The following ARG1 variants were observed in gnomAD, a reference collection of about 807,000 sequenced individuals.
The protein encoded by ARG1 is arginase-1.
A neutral mutation model predicts 33.0 loss-of-function variants in ARG1; 20 were observed. That is an observed-to-expected ratio of 0.61 (90% CI 0.43 to 0.88). ARG1 has a LOEUF of 0.88. ARG1 is among the 40% of genes least tolerant of loss of function. The pLI is 0.00. For synonymous variants in ARG1, 146 were observed against 140.6 expected (o/e 1.04, Z -0.27); for missense variants, 374 against 384.7 (o/e 0.97, Z 0.23).
chr6:131,573,391 G>C (rs1461894521), intron 1 of ARG1, 52 bp downstream of exon 1: 1 of 1,582,734 alleles, frequency 6.3e-7, no homozygotes, highest in Non-Finnish European at 8.7e-7. Context: ...GAAAATTTTG[G>C]ACTTCAAAAT....
rs1208775075 is a variant in ARG1 at position 131,573,307 on chromosome 6, G to A, written c.25G>A (p.Gly9Arg). The stretch of plus-strand genomic sequence containing the variant: ...CATGAGCGCCAAGTCCAGAACCATA[G>A]GGATTATTGGAGCTCCTTTCTCAAA... MSAKSRTI[G>R]IIGAPFSKGQ... The change falls in exon 1 of 8, where the codon GGG becomes AGG. Residue 9 changes from glycine to arginine, a missense_variant. Physicochemically the swap from Gly to Arg is moderately radical, Grantham distance 125. Transcript: ENST00000368087. 1.2e-6 allele frequency: 2 copies of A among 1,613,912 alleles called. No individual in the cohort carries two copies. Among genetic ancestry groups the A allele is most frequent in the Admixed American group, 1.7e-5 (1 of 59,996 alleles).
Position 131,573,303 on chromosome 6 carries a change from C to T in ARG1, c.21C>T (p.Thr7=), listed in dbSNP as rs1773466629. The change falls in exon 1 of 8, where the codon ACC becomes ACT. Residue 7 remains threonine (T), a synonymous_variant. Transcript: ENST00000368087. MSAKSR[T]IGIIGAPFSK... Reference sequence around the variant, plus strand: ...AGAGCATGAGCGCCAAGTCCAGAACCATAGGGATTATTGGAGCTCCTTTCT... The same window carrying T: ...AGAGCATGAGCGCCAAGTCCAGAACTATAGGGATTATTGGAGCTCCTTTCT... 6.2e-7 allele frequency: 1 copy of T among 1,614,040 alleles called. No individual in the cohort carries two copies. The highest frequency in any genetic ancestry group is 8.5e-7 in the Non-Finnish European group (1 of 1,179,958).
intron 1 of ARG1, 106 bp downstream of exon 1, chr6:131,573,445 T>C (rs1773472269): frequency 9.2e-7 from 1 of 1,088,342 alleles, no homozygotes; most frequent in Admixed American, 1.8e-5. Flanking sequence ...TCTGATACAA[T>C]CTGGCCAGGA....
In ARG1 at chr6:131,579,156, C is replaced by T. The variant is rs763960889; in HGVS notation, c.176C>T (p.Pro59Leu). The change falls in exon 3 of 8, where the codon CCT becomes CTT. Residue 59 changes from proline to leucine, a missense_variant. Transcript: ENST00000368087. ...DYGDLPFADI[P>L]NDSPFQIVKN... ...GGGGACCTGCCCTTTGCTGACATCCCTAATGACAGTCCCTTTCAAATTGTG... is the reference window on the plus strand; with the variant it reads ...GGGGACCTGCCCTTTGCTGACATCCTTAATGACAGTCCCTTTCAAATTGTG... 2 of 1,614,086 alleles carry T rather than the reference C, an allele frequency of 1.2e-6. No homozygotes were observed. The highest frequency in any genetic ancestry group is 8.5e-7 in the Non-Finnish European group (1 of 1,180,004).
chr6:131,576,729 G>C lies in ARG1; in HGVS notation c.124G>C (p.Glu42Gln). Residue 42 changes from glutamate to glutamine, a missense_variant, in exon 2 of 8, where the codon GAA (glutamate) becomes CAA (glutamine). Transcript: ENST00000368087. ...GGCTGGTCTGCTTGAGAAACTTAAA[G>C]AACAAGGTAATTTTTAAGTTGAAAA... ...RKAGLLEKLK[E>Q]QECDVKDYGD... The C allele has an allele frequency of 6.2e-7, 1 of 1,613,430 alleles. No homozygotes were observed. The highest frequency in any genetic ancestry group is 8.5e-7 in the Non-Finnish European group (1 of 1,179,410).
rs1057521893 is a variant in ARG1, at chr6:131,579,100, T to C, written c.131-11T>C. 6.2e-7 allele frequency: 1 copy of C among 1,613,928 alleles called. No homozygotes were observed. On this transcript the variant is annotated splice_polypyrimidine_tract_variant and intron_variant, in intron 2 of 7. Transcript: ENST00000368087. ...TTTTTAATTTAGTAACTCAAAACTT[T>C]TTAATTTTAGAGTGTGATGTGAAGG...
chr6:131,583,646 C>CTT, intron 7 of ARG1, 96 bp from the exon 8 acceptor site: 1 of 1,527,422 alleles, frequency 6.5e-7, no homozygotes, highest in South Asian at 1.2e-5. Context: ...CGGTTACTAC[C>CTT]TTTTTCTGTT....
chr6:131,579,031 T>G, intron 2 of ARG1, 80 bp from the exon 3 acceptor site: 2 of 1,507,936 alleles, frequency 1.3e-6, no homozygotes, highest in Non-Finnish European at 1.8e-6. Context: ...TATGCCTATT[T>G]TATACAATTG....
chr6:131,580,558 T>C (rs1199842681), intron 3 of ARG1, among the ~76,000 whole-genome samples: 3 of 152,204 alleles, frequency 2.0e-5, no homozygotes, highest in Non-Finnish European at 4.4e-5. Flanking sequence ...ATCCTAACTT[T>C]TAACTTCTGT....
chr6:131,582,748 T>C, intron 5 of ARG1, 33 bp downstream of exon 5: 2 of 1,594,368 alleles, frequency 1.3e-6, no homozygotes, highest in Non-Finnish European at 1.7e-6. Flanking sequence ...TTTGCCTCCA[T>C]TTTTGTCCCT....
rs1303519696 is a variant in ARG1, at chr6:131,583,397, G to A, written c.708G>A (p.Leu236=). 6.2e-7 allele frequency: 1 copy of A among 1,614,152 alleles called. No homozygotes were observed. The highest frequency in any genetic ancestry group is 1.7e-5 in the Admixed American group (1 of 60,020). The part of the protein sequence containing the change: ...PIHLSFDVDG[L]DPSFTPATGT... Reference sequence around the variant, plus strand: ...ATCTAAGTTTTGATGTTGACGGACTGGACCCATCTTTCACACCAGCTACTG... The same window carrying A: ...ATCTAAGTTTTGATGTTGACGGACTAGACCCATCTTTCACACCAGCTACTG... The change falls in exon 7 of 8, where the codon CTG becomes CTA. Residue 236 remains leucine, a synonymous_variant. Transcript: ENST00000368087.
At chr6:131,574,096 T>C in intron 1 of ARG1, 1 of 691,280 alleles carries the variant, frequency 1.4e-6, no homozygotes, top group Non-Finnish European at 2.6e-6. Context: ...CTTATTCTAG[T>C]AAAGAGAGTG....
chr6:131,579,196 T>C lies in ARG1; in HGVS notation c.216T>C (p.Ser72=), dbSNP rs748414362. The change falls in exon 3 of 8, where the codon TCT becomes TCC. Residue 72 remains serine, a synonymous_variant. Transcript: ENST00000368087. The part of the protein sequence containing the change: ...SPFQIVKNPR[S]VGKASEQLAG... ...TTCAAATTGTGAAGAATCCAAGGTC[T>C]GTGGGAAAAGCAAGCGAGCAGCTGG... The C allele has an allele frequency of 6.2e-7, 1 of 1,614,136 alleles. No individual in the cohort carries two copies. The highest frequency in any genetic ancestry group is 1.1e-5 in the South Asian group (1 of 91,082).
chr6:131,583,024 T>C, intron 5 of ARG1, 36 bp from the exon 6 acceptor site: 1 of 1,473,418 alleles, frequency 6.8e-7, no homozygotes, highest in Non-Finnish European at 9.4e-7. Context: ...ACAGTCAGCC[T>C]TATTAATTAT....
rs1774084693 is a variant in ARG1, at chr6:131,584,168, TAA to T, written c.*264_*265del. ...AGAGAAGTGTACATTGATTTCCAAT[TAA>T]AAATTTGCTGGCATTAAAAATAAGC... is the stretch of plus-strand genomic sequence containing the variant. On this transcript the variant is annotated 3_prime_UTR_variant, in exon 8 of 8. Transcript: ENST00000368087. 1 of 447,846 alleles carries T rather than the reference TAA, an allele frequency of 2.2e-6. No individual in the cohort carries two copies. The highest frequency in any genetic ancestry group is 2.0e-5 in the African/African-American group (1 of 49,944). The allele number at this position is 447,846 out of a possible 1,614,324, so 27.7% of individuals were successfully genotyped here.
intron 6 of ARG1, 93 bp from the exon 7 acceptor site, chr6:131,583,262 T>C (rs913483623): frequency 2.1e-5 from 34 of 1,603,846 alleles, no homozygotes; most frequent in Non-Finnish European, 2.7e-5. Flanking sequence ...AAATAATGGG[T>C]TGCTACTTTT....
chr6:131,576,502 C>T (rs1420224988), intron 1 of ARG1, 161 bp from the exon 2 acceptor site: 3 of 690,528 alleles, frequency 4.3e-6, no homozygotes, highest in Non-Finnish European at 7.7e-6. Flanking sequence ...TTCAGTCTAC[C>T]TTGCTGTGAA....
rs1274386174 is a variant in ARG1, at chr6:131,583,403, A to G, written c.714A>G (p.Pro238=). The change falls in exon 7 of 8, where the codon CCA becomes CCG. Residue 238 remains proline (P), a synonymous_variant. Coordinates refer to ENST00000368087, the MANE Select transcript of ARG1 (RefSeq NM_000045.4). The part of the protein sequence containing the change: ...HLSFDVDGLD[P]SFTPATGTPV... ...GTTTTGATGTTGACGGACTGGACCC[A>G]TCTTTCACACCAGCTACTGGCACAC... 6.2e-7 allele frequency: 1 copy of G among 1,614,078 alleles called. No homozygotes were observed. Among genetic ancestry groups the G allele is most frequent in the Non-Finnish European group, 8.5e-7 (1 of 1,180,012 alleles).
At chr6:131,581,077 T>C (rs1773894958) in intron 3 of ARG1, 142 bp from the exon 4 acceptor site, 2 of 774,076 alleles carry the variant, frequency 2.6e-6, no homozygotes, top group Non-Finnish European at 4.5e-6. Context: ...TTTTAACTAA[T>C]TGGCATCTCC....
Sources: gnomAD v4.1 joint callset for allele counts (sites outside exome capture counted in the v4.1 genomes callset) on GRCh38, gnomAD v4.1.1 for gene constraint, MANE v1.5 for transcripts, NCBI Gene and HGNC (gene_info 2026-07-23, HGNC 2026-07-21) for gene names.